Variants in CATSPERB observed in about 807,000 individuals in gnomAD.
The protein encoded by CATSPERB is cation channel sperm-associated auxiliary subunit beta.
A neutral mutation model predicts 128.3 loss-of-function variants in CATSPERB; 93 were observed. That is an observed-to-expected ratio of 0.72 (90% confidence interval 0.61 to 0.86). The LOEUF (loss-of-function observed/expected upper bound fraction) is 0.86, where lower values mean the gene tolerates loss of function less well. CATSPERB is among the 40% of genes least tolerant of loss of function. CATSPERB has a pLI of 0.00. For missense variants in CATSPERB, 1,153 were observed against 1,329.5 expected (o/e 0.87, Z 2.06); for synonymous variants, 381 against 448.8 (o/e 0.85, Z 1.91).
chr14:91,698,321 C>A (rs1895595850), intron 7 of CATSPERB, among the ~76,000 whole-genome samples: 1 of 152,124 alleles, frequency 6.6e-6, no homozygotes, highest in East Asian at 1.9e-4. Flanking sequence ...ATATTGTCGG[C>A]AAAGAGAGAG....
At chr14:91,695,967 G>T (rs1011872771) in intron 7 of CATSPERB, among the ~76,000 whole-genome samples, 1 of 152,178 alleles carries the variant, frequency 6.6e-6, no homozygotes, top group East Asian at 1.9e-4. Context: ...AATACTAATT[G>T]GGATGAGAAA....
At position 91,719,461 on chromosome 14, in the gene CATSPERB, C is replaced by G. The variant is rs1895993974; in HGVS notation, c.327G>C (p.Leu109Phe). The change falls in exon 5 of 27, where the codon TTG (leucine) becomes TTC (phenylalanine). Residue 109 changes from leucine (L) to phenylalanine (F), a missense_variant. Transcript: ENST00000256343. ...TTTCTCTAGGAATATCAACCAACCA[C>G]AAAATCCGATCACTGAACTTGAATA... ...FNLTLFSDRILWLVDIPRENI... is the reference protein window; with the variant it reads ...FNLTLFSDRIFWLVDIPRENI... The G allele has an allele frequency of 6.2e-7, 1 of 1,611,400 alleles. No individual in the cohort carries two copies. Among genetic ancestry groups the G allele is most frequent in the African/African-American group, 1.3e-5 (1 of 74,998 alleles).
intron 7 of CATSPERB, among the ~76,000 whole-genome samples, chr14:91,702,010 G>A (rs1353016055): frequency 6.6e-6 from 1 of 152,092 alleles, no homozygotes; most frequent in Non-Finnish European, 1.5e-5. Flanking sequence ...TGGGGAAAAG[G>A]TGCTTTCACC....
intron 10 of CATSPERB, among the ~76,000 whole-genome samples, chr14:91,691,119 C>T (rs1010030164): frequency 6.6e-6 from 1 of 152,112 alleles, no homozygotes; most frequent in Admixed American, 6.6e-5. Flanking sequence ...CGAAGTAGAA[C>T]AGACTTACAC....
At position 91,589,556 on chromosome 14, in the gene CATSPERB, G is replaced by A. The variant is rs1486981967; in HGVS notation, c.2934C>T (p.Asn978=). The change falls in exon 24 of 27, where the codon AAC becomes AAT. Residue 978 remains asparagine (N), a synonymous_variant. Coordinates refer to ENST00000256343, the MANE Select transcript of CATSPERB (RefSeq NM_024764.4). ...SPYLVTVTEV[N]MRHNWKLKHT... ...TACTCAGTTTCCAGTTGTGCCTCAT[G>A]TTCACTTCAGTCACAGTAACCAGAT... The A allele has an allele frequency of 1.2e-6, 2 of 1,613,510 alleles. No homozygotes were observed. Among genetic ancestry groups the A allele is most frequent in the Non-Finnish European group, 1.7e-6 (2 of 1,179,670 alleles).
chr14:91,631,132 T>C (rs1266726044), intron 17 of CATSPERB, among the ~76,000 whole-genome samples: 18 of 152,250 alleles, frequency 1.2e-4, no homozygotes, highest in Admixed American at 1.2e-3. Flanking sequence ...TGTTTTGGTT[T>C]ACCTGTTTAT....
In CATSPERB at chr14:91,693,203, G is replaced by C; in HGVS notation, c.754C>G (p.His252Asp). 13 of 1,613,702 alleles carry C rather than the reference G, an allele frequency of 8.1e-6. No individual in the cohort carries two copies. The highest frequency in any genetic ancestry group is 1.1e-5 in the Non-Finnish European group (13 of 1,179,698). Reference sequence around the variant, plus strand: ...AAAGAGGTGAGGATAACTAAAAAATGATTCGTTAAAACCATATCCACCAAT... The same window carrying C: ...AAAGAGGTGAGGATAACTAAAAAATCATTCGTTAAAACCATATCCACCAAT... ...LSLVDMVLTN[H>D]FLVILTSLGL... is the part of the protein sequence containing the mutation. Residue 252 changes from histidine to aspartate, a missense_variant, in exon 9 of 27, where the codon CAT becomes GAT. His to Asp is a moderately conservative substitution (Grantham distance 81, BLOSUM62 -1). Transcript: ENST00000256343.
chr14:91,706,414 C>G (rs1510222), intron 6 of CATSPERB, among the ~76,000 whole-genome samples: 15,372 of 152,224 alleles, frequency 0.1, 834 homozygotes, highest in Middle Eastern at 0.15. Context: ...TGCCCCCCTA[C>G]TTATATACAA....
intron 20 of CATSPERB, among the ~76,000 whole-genome samples, chr14:91,613,413 C>T (rs1000304151): frequency 5.9e-5 from 9 of 151,866 alleles, no homozygotes; most frequent in Non-Finnish European, 1.2e-4. Flanking sequence ...ATGAGCACGT[C>T]TAAAAGTGTA....
In CATSPERB at chr14:91,723,159, C is replaced by T; in HGVS notation, c.199G>A (p.Glu67Lys). 6.7e-7 allele frequency: 1 copy of T among 1,495,496 alleles called. No individual in the cohort carries two copies. Among genetic ancestry groups the T allele is most frequent in the Non-Finnish European group, 8.9e-7 (1 of 1,122,738 alleles). 92.6% of individuals were successfully genotyped at this position (1,495,496 alleles called of 1,614,324 possible). ...CTTAGCATTGCTTTTGATGCAATTT[C>T]ATTTTCAGTTTGGAAGAAACACTGG... is the stretch of plus-strand genomic sequence containing the variant. ...KIQCFFQTEN[E>K]IASKAMLSVF... The change falls in exon 4 of 27, where the codon GAA becomes AAA. Residue 67 changes from glutamate (E) to lysine (K), a missense_variant. Coordinates refer to ENST00000256343, the MANE Select transcript of CATSPERB (RefSeq NM_024764.4).
intron 20 of CATSPERB, among the ~76,000 whole-genome samples, chr14:91,616,701 C>A (rs1595148351): frequency 7.0e-6 from 1 of 143,260 alleles, no homozygotes. Context: ...TTTATTTCAA[C>A]TAATGAATTT....
intron 13 of CATSPERB, among the ~76,000 whole-genome samples, chr14:91,670,366 C>T (rs1895066619): frequency 1.3e-5 from 2 of 152,134 alleles, no homozygotes; most frequent in South Asian, 4.1e-4. Flanking sequence ...GAATATGACA[C>T]CTCAGGCCAG....
At chr14:91,606,979 A>G (rs1478804141) in intron 22 of CATSPERB, among the ~76,000 whole-genome samples, 2 of 97,960 alleles carry the variant, frequency 2.0e-5, no homozygotes, top group Non-Finnish European at 4.6e-5. Context: ...GGACGTGGAG[A>G]AGAACTCAGT....
chr14:91,716,435 G>A (rs187733457), intron 5 of CATSPERB, among the ~76,000 whole-genome samples: 127 of 152,064 alleles, frequency 8.4e-4, no homozygotes, highest in African/African-American at 2.9e-3. Flanking sequence ...AAAATTAGCC[G>A]GGCCTGGTGG....
chr14:91,712,233 A>G (rs1030362549), intron 5 of CATSPERB, among the ~76,000 whole-genome samples: 1 of 152,222 alleles, frequency 6.6e-6, no homozygotes, highest in Non-Finnish European at 1.5e-5. Flanking sequence ...TAAATAATGA[A>G]TAGAAACCAA....
chr14:91,615,097 C>T lies in CATSPERB; in HGVS notation c.2400+2500G>A, dbSNP rs181536266. ...GTCTGAGATCTTGTACCCCAGGGGT[C>T]CCCAACCCCCGGGCTGAGGACCAGT... is the stretch of plus-strand genomic sequence containing the variant. On this transcript the variant is annotated intron_variant, in intron 20 of 26. Transcript: ENST00000256343. Among the ~76,000 whole-genome samples the T allele has an allele frequency of 3.3e-5, 5 of 152,186 alleles. No individual in the cohort carries two copies. The East Asian group carries it at 9.7e-4, about 29-fold the overall frequency.
At position 91,661,477 on chromosome 14, in the gene CATSPERB, T is replaced by A. The variant is rs1254247708; in HGVS notation, c.1288-1496A>T. Among the ~76,000 whole-genome samples the A allele has an allele frequency of 4.0e-5, 6 of 149,246 alleles. No homozygotes were observed. In the Admixed American group the frequency reaches 4.1e-4, roughly 10 times the overall value. Reference sequence around the variant, plus strand: ...TATTTGTACTAACGTTACAGTGTTATCTTTAAAGAAAATACTGAAAAATTA... The same window carrying A: ...TATTTGTACTAACGTTACAGTGTTAACTTTAAAGAAAATACTGAAAAATTA... On this transcript the variant is annotated intron_variant, in intron 14 of 26. Coordinates refer to ENST00000256343, the MANE Select transcript of CATSPERB (RefSeq NM_024764.4).
intron 15 of CATSPERB, among the ~76,000 whole-genome samples, chr14:91,647,405 T>C (rs1180934478): frequency 1.3e-5 from 2 of 152,222 alleles, no homozygotes; most frequent in Non-Finnish European, 1.5e-5. Flanking sequence ...TTTGCAGGAA[T>C]TTGTAAATCT....
rs1031829818 is a variant in CATSPERB, at chr14:91,647,139, G to A, written c.1433-7889C>T. Reference sequence around the variant, plus strand: ...AATCAGGGCTGCAAATCTCACAGGGGCCTTCCAATGGCCATAACCTCTCAG... The same window carrying A: ...AATCAGGGCTGCAAATCTCACAGGGACCTTCCAATGGCCATAACCTCTCAG... On this transcript the variant is annotated intron_variant, in intron 15 of 26. Coordinates refer to ENST00000256343, the MANE Select transcript of CATSPERB (RefSeq NM_024764.4). Among the ~76,000 whole-genome samples, 3 of 152,194 alleles carry A rather than the reference G, an allele frequency of 2.0e-5. No individual in the cohort carries two copies. In the East Asian group the frequency reaches 5.8e-4, roughly 29 times the overall value.
Sources: allele counts gnomAD v4.1 joint callset (sites outside exome capture counted in the v4.1 genomes callset), GRCh38; gene constraint gnomAD v4.1.1; transcripts MANE v1.5; gene names NCBI Gene and HGNC (gene_info 2026-07-23, HGNC 2026-07-21).